The following SFMBT2 variants were observed in gnomAD, a reference collection of about 807,000 sequenced individuals.
SFMBT2 encodes the protein Scm like with four mbt domains 2.
SFMBT2 carries 38 observed loss-of-function variants against 110.1 expected under a neutral mutation model. The observed-to-expected ratio is 0.35, with a 90% CI of 0.27 to 0.45. The LOEUF is 0.45. SFMBT2 is among the 20% of genes least tolerant of loss of function. The pLI is 1.00. For missense variants in SFMBT2, 1,011 were observed against 1,094.9 expected (o/e 0.92, Z 1.08); for synonymous variants, 425 against 425.4 (o/e 1.00, Z 0.01).
At chr10:7,196,052 C>T (rs936303500) in intron 15 of SFMBT2, among the ~76,000 whole-genome samples, 3 of 152,164 alleles carry the variant, frequency 2.0e-5, no homozygotes, top group African/African-American at 4.8e-5. Flanking sequence ...CCTCTGACTT[C>T]CCTTCAATGG....
intron 4 of SFMBT2, among the ~76,000 whole-genome samples, chr10:7,306,795 G>C (rs1842712621): frequency 1.3e-5 from 2 of 151,940 alleles, no homozygotes; most frequent in Non-Finnish European, 2.9e-5. Context: ...AAGAGGAAAA[G>C]AGAAAACATT....
At chr10:7,292,192 G>A (rs990027381) in intron 4 of SFMBT2, 1 of 230,306 alleles carries the variant, frequency 4.3e-6, no homozygotes, top group Admixed American at 6.5e-5. Flanking sequence ...AGAGAACCGA[G>A]CCTTCTCAAC....
In SFMBT2 at chr10:7,172,671, G is replaced by T. The variant is rs776245404; in HGVS notation, c.1985-10C>A. 11 of 1,607,640 alleles carry T rather than the reference G, an allele frequency of 6.8e-6. No homozygotes were observed. In the Admixed American group the frequency reaches 1.9e-4, roughly 27 times the overall value. On this transcript the variant is annotated splice_polypyrimidine_tract_variant and intron_variant, in intron 17 of 20. Transcript: ENST00000397167. This position sits in a 1 kb window ranked among gnomAD's most constrained non-coding sequence, Gnocchi z 4.6. ...TTTCCATAGTAATAGGCTGTAGGAA[G>T]GAAGATGAGAAACTTTTGAAGGCTA...
At chr10:7,208,295 T>C (rs975276652) in intron 11 of SFMBT2, among the ~76,000 whole-genome samples, 2 of 152,198 alleles carry the variant, frequency 1.3e-5, no homozygotes, top group Admixed American at 6.5e-5. Context: ...AGAGCATTTG[T>C]TTCTTAGCTA....
At chr10:7,204,479 A>G (rs571463547) in intron 12 of SFMBT2, 3 of 982,666 alleles carry the variant, frequency 3.1e-6, no homozygotes, top group South Asian at 9.5e-5. Context: ...ATTTTAAATA[A>G]CACTTCTGAT....
chr10:7,282,719 C>G (rs560752451), intron 6 of SFMBT2, among the ~76,000 whole-genome samples: 1 of 152,282 alleles, frequency 6.6e-6, no homozygotes, highest in Non-Finnish European at 1.5e-5. Flanking sequence ...TCAATTAGAG[C>G]CTCTGAGTGA....
At chr10:7,395,435 G>C (rs1164409149) in intron 1 of SFMBT2, among the ~76,000 whole-genome samples, 2 of 152,254 alleles carry the variant, frequency 1.3e-5, no homozygotes, top group African/African-American at 4.8e-5. Flanking sequence ...TAATGTGCCT[G>C]GTGGCACCCT....
At chr10:7,205,371 A>G in intron 12 of SFMBT2, 1 of 979,056 alleles carries the variant, frequency 1.0e-6, no homozygotes, top group Admixed American at 6.1e-5. Context: ...GATTATAGGA[A>G]TGAGGCACTG....
intron 7 of SFMBT2, among the ~76,000 whole-genome samples, chr10:7,268,369 G>T (rs149535768): frequency 6.6e-6 from 1 of 152,056 alleles, no homozygotes; most frequent in African/African-American, 2.4e-5. Flanking sequence ...GTAGTCCTTC[G>T]CAAAAGACAA....
intron 16 of SFMBT2, among the ~76,000 whole-genome samples, chr10:7,183,844 G>A (rs1008919231): frequency 6.6e-6 from 1 of 152,078 alleles, no homozygotes; most frequent in Non-Finnish European, 1.5e-5. Flanking sequence ...TCCCTTTCCC[G>A]TACTGAGTTG....
intron 1 of SFMBT2, among the ~76,000 whole-genome samples, chr10:7,407,942 C>T (rs967511452): frequency 1.3e-5 from 2 of 152,220 alleles, no homozygotes; most frequent in African/African-American, 4.8e-5. Context: ...GAGCGGTGGT[C>T]GGCCGGGCTC....
chr10:7,315,065 A>AAAG (rs1842963881), intron 4 of SFMBT2, among the ~76,000 whole-genome samples: 1 of 141,646 alleles, frequency 7.1e-6, no homozygotes, highest in Admixed American at 7.0e-5. Context: ...AGAAAGAAAG[A>AAAG]AAGAAAGAAA....
intron 7 of SFMBT2, among the ~76,000 whole-genome samples, chr10:7,250,356 T>C (rs1199979155): frequency 1.3e-5 from 2 of 152,240 alleles, no homozygotes; most frequent in Non-Finnish European, 2.9e-5. Context: ...TTTCTGATCC[T>C]GCATTAGTTT....
chr10:7,247,282 A>C (rs2131729482), intron 8 of SFMBT2, among the ~76,000 whole-genome samples: 2 of 152,026 alleles, frequency 1.3e-5, no homozygotes, highest in Admixed American at 1.3e-4. Context: ...ATACCTGGCT[A>C]ATTTTTGTAT....
At chr10:7,380,352 C>T (rs140005446) in intron 2 of SFMBT2, among the ~76,000 whole-genome samples, 169 of 152,308 alleles carry the variant, frequency 1.1e-3, no homozygotes, top group African/African-American at 3.9e-3. Flanking sequence ...CAGATACTAA[C>T]GCCCTTCAAC....
At position 7,250,064 on chromosome 10, in the gene SFMBT2, AT is replaced by A. The variant is rs1469613570; in HGVS notation, c.871-1416del. On this transcript the variant is annotated intron_variant, in intron 7 of 20. Coordinates refer to ENST00000397167, the MANE Select transcript of SFMBT2 (RefSeq NM_001387889.1). ...TATGCAGAAGGAAAAGTACAAGGAA[AT>A]TAGGTGCAGGTGATGATGTGCATTG... 2.6e-5 allele frequency among the ~76,000 whole-genome samples: 4 copies of A among 152,218 alleles called. No homozygotes were observed. The East Asian group carries it at 7.7e-4, about 29-fold the overall frequency.
Position 7,162,350 on chromosome 10 carries a change from A to G in SFMBT2, c.*1420T>C, listed in dbSNP as rs1837572053. 6.6e-6 allele frequency: 1 copy of G among 152,032 alleles called. No homozygotes were observed. Among genetic ancestry groups the G allele is most frequent in the Non-Finnish European group, 1.5e-5 (1 of 68,024 alleles). The allele number at this position is 152,032 out of a possible 1,614,324, so 9.4% of individuals were successfully genotyped here. A position where few individuals can be genotyped will look rare whatever the true frequency, so the allele number is the denominator to read the frequency against. ...AATGCCAGCAGGAGACAGTGTGCTC[A>G]CCACCGCACCCTCAGGGTCCACACC... On this transcript the variant is annotated 3_prime_UTR_variant, in exon 21 of 21. Coordinates refer to ENST00000397167, the MANE Select transcript of SFMBT2 (RefSeq NM_001387889.1).
intron 7 of SFMBT2, among the ~76,000 whole-genome samples, chr10:7,249,907 A>G (rs1158022157): frequency 6.6e-6 from 1 of 152,230 alleles, no homozygotes; most frequent in Admixed American, 6.5e-5. Flanking sequence ...TGCTGGGGCC[A>G]TGTCCAAAGA....
chr10:7,223,604 G>A (rs191310490), intron 10 of SFMBT2, among the ~76,000 whole-genome samples: 3 of 152,074 alleles, frequency 2.0e-5, no homozygotes, highest in South Asian at 2.1e-4. Context: ...CTCTCGTTCC[G>A]ATTAAGCTAA....
Sources: allele counts gnomAD v4.1 joint callset (sites outside exome capture counted in the v4.1 genomes callset), GRCh38; gene constraint gnomAD v4.1.1; non-coding constraint Gnocchi (gnomAD v3.1); transcripts MANE v1.5; gene names NCBI Gene and HGNC (gene_info 2026-07-23, HGNC 2026-07-21).